CNBD2: variants seen among roughly 807,000 people sequenced by gnomAD.
CNBD2 encodes cyclic nucleotide binding domain containing 2.
Under a neutral mutation model 63.7 loss-of-function variants are expected in CNBD2, and 64 were observed. That is an observed-to-expected ratio of 1.00 (90% CI 0.82 to 1.24). The LOEUF (loss-of-function observed/expected upper bound fraction) is 1.24. Among genes scored for constraint, CNBD2 ranks in the 50% most tolerant of loss-of-function variants. The probability of loss-of-function intolerance (pLI) is 0.00; values close to 1 mark genes in which losing one functional copy is unlikely to be tolerated. For synonymous variants in CNBD2, 229 were observed against 255.4 expected (o/e 0.90, Z 0.99); for missense variants, 691 against 713.5 (o/e 0.97, Z 0.36).
chr20:36,024,096 G>A (rs1177757658), intron 11 of CNBD2, among the ~76,000 whole-genome samples: 2 of 152,220 alleles, frequency 1.3e-5, no homozygotes, highest in Non-Finnish European at 2.9e-5. Context: ...AGCACTTTGG[G>A]AAGCTGAGGC....
At chr20:35,983,452 G>T (rs2056623930) in intron 4 of CNBD2, among the ~76,000 whole-genome samples, 1 of 152,040 alleles carries the variant, frequency 6.6e-6, no homozygotes, top group Non-Finnish European at 1.5e-5. Flanking sequence ...GCCCAGTTGG[G>T]TAGTGGGCTG....
intron 8 of CNBD2, among the ~76,000 whole-genome samples, chr20:36,007,137 A>G (rs2056995867): frequency 6.6e-6 from 1 of 152,196 alleles, no homozygotes; most frequent in South Asian, 2.1e-4. Flanking sequence ...TGCAGTGAGC[A>G]GAGATCGCAC....
In CNBD2 at chr20:36,030,518, T is replaced by C. The variant is rs200247317; in HGVS notation, c.1601T>C (p.Leu534Ser). 217 of 1,614,028 alleles carry C rather than the reference T, an allele frequency of 1.3e-4. No individual in the cohort carries two copies. Among genetic ancestry groups the C allele is most frequent in the Non-Finnish European group, 1.7e-4 (203 of 1,180,042 alleles). The change falls in exon 12 of 12, where the codon TTG (leucine) becomes TCG (serine). Residue 534 changes from leucine to serine, a missense_variant. Transcript: ENST00000373973. ...IYNPKSVVLD[L>S]CSINKTTKPR... ...AACCCTAAGTCTGTGGTCCTGGATT[T>C]GTGCAGCATCAACAAGACGACTAAA...
At position 36,023,716 on chromosome 20, in the gene CNBD2, G is replaced by T; in HGVS notation, c.1384G>T (p.Asp462Tyr). 1.2e-6 allele frequency: 2 copies of T among 1,613,712 alleles called. No homozygotes were observed. Among genetic ancestry groups the T allele is most frequent in the South Asian group, 2.2e-5 (2 of 91,004 alleles). Reference sequence around the variant, plus strand: ...GAAGGAAATATTTTATGAACTGATTGACAATGATGACGAGATGATAAAAAA... The same window carrying T: ...GAAGGAAATATTTTATGAACTGATTTACAATGATGACGAGATGATAAAAAA... ...IRKEIFYELI[D>Y]NDDEMIKKLL... The change falls in exon 11 of 12, where the codon GAC becomes TAC. Residue 462 changes from aspartate (D) to tyrosine (Y), a missense_variant. Physicochemically the swap from Asp to Tyr is radical, Grantham distance 160. Coordinates refer to ENST00000373973, the MANE Select transcript of CNBD2 (RefSeq NM_001365709.1).
rs370279613 is a variant in CNBD2, at chr20:35,968,796, C to A, written c.34C>A (p.Leu12Ile). The A allele has an allele frequency of 1.2e-6, 2 of 1,608,028 alleles. No individual in the cohort carries two copies. The highest frequency in any genetic ancestry group is 2.7e-5 in the African/African-American group (2 of 74,896). ...RRHMVTYAWQ[L>I]LKKELGLYQL... ...ACATATGGTAACTTATGCCTGGCAG[C>A]TCCTGAAGAAGGAACTGGTGAGGAG... The change falls in exon 1 of 12, where the codon CTC (leucine) becomes ATC (isoleucine). Residue 12 changes from leucine to isoleucine, a missense_variant. Leu to Ile is a conservative substitution (Grantham distance 5, BLOSUM62 2). Coordinates refer to ENST00000373973, the MANE Select transcript of CNBD2 (RefSeq NM_001365709.1).
rs2056586801 is a variant in CNBD2 at position 35,980,692 on chromosome 20, G to A, written c.407+70G>A. 2.8e-5 allele frequency: 42 copies of A among 1,483,756 alleles called. 2 individuals are homozygous for A. In the South Asian group the frequency reaches 4.6e-4, roughly 16 times the overall value. 91.9% of individuals were successfully genotyped at this position (1,483,756 alleles called of 1,614,324 possible). On this transcript the variant is annotated intron_variant, in intron 4 of 11. Coordinates refer to ENST00000373973, the MANE Select transcript of CNBD2 (RefSeq NM_001365709.1). The stretch of plus-strand genomic sequence containing the variant: ...TGAGCAAAAGAGCCTGGCTGAGAAG[G>A]TGTGGCAGGTCCTGCCCACCCCTCT...
chr20:36,010,457 A>AG (rs1311078653), intron 9 of CNBD2, among the ~76,000 whole-genome samples: 7 of 151,818 alleles, frequency 4.6e-5, no homozygotes, highest in Non-Finnish European at 1.0e-4. Flanking sequence ...AAAAAAAAAA[A>AG]AAAAAGAAAA....
intron 10 of CNBD2, among the ~76,000 whole-genome samples, chr20:36,019,274 C>T (rs1343620939): frequency 6.6e-6 from 1 of 151,808 alleles, no homozygotes; most frequent in Non-Finnish European, 1.5e-5. Context: ...ACTTGTAATC[C>T]CAGCACTTTG....
At chr20:35,985,034 T>A (rs2147245282) in intron 6 of CNBD2, among the ~76,000 whole-genome samples, 1 of 152,230 alleles carries the variant, frequency 6.6e-6, no homozygotes, top group Non-Finnish European at 1.5e-5. Flanking sequence ...GGCTCACTCC[T>A]GTAATCCCAG....
At chr20:35,954,504 T>C, upstream of CNBD2, 2 of 1,537,012 alleles carry the variant, frequency 1.3e-6, no homozygotes, top group Non-Finnish European at 1.8e-6. Context: ...CTTCTCTGCG[T>C]CCAGGTCGGC....
At chr20:35,988,322 A>G (rs923768439) in intron 7 of CNBD2, among the ~76,000 whole-genome samples, 5 of 151,594 alleles carry the variant, frequency 3.3e-5, no homozygotes, top group African/African-American at 1.2e-4. Context: ...ATGTGCCACC[A>G]TGCCTGGCTA....
At chr20:35,980,223 C>T (rs1568865991) in intron 3 of CNBD2, among the ~76,000 whole-genome samples, 1 of 152,152 alleles carries the variant, frequency 6.6e-6, no homozygotes, top group Non-Finnish European at 1.5e-5. Context: ...ATCTCCTAAT[C>T]CTGCCTGAGT....
downstream of CNBD2, chr20:35,958,883 T>C (rs562534407): frequency 6.6e-6 from 1 of 152,370 alleles, no homozygotes; most frequent in East Asian, 1.9e-4. Flanking sequence ...TAGTGTATAA[T>C]CATTTGGGCT....
At chr20:36,005,322 A>C (rs915536424) in intron 8 of CNBD2, among the ~76,000 whole-genome samples, 1 of 152,162 alleles carries the variant, frequency 6.6e-6, no homozygotes, top group Non-Finnish European at 1.5e-5. Flanking sequence ...GATGCCTCTC[A>C]TGCACAGTTC....
intron 10 of CNBD2, among the ~76,000 whole-genome samples, chr20:36,015,608 G>A (rs551247317): frequency 2.1e-4 from 32 of 152,276 alleles, no homozygotes; most frequent in African/African-American, 7.5e-4. Context: ...GCTAGGGGAG[G>A]GGGCAGGAAC....
intron 3 of CNBD2, among the ~76,000 whole-genome samples, chr20:35,978,960 G>A (rs1370892453): frequency 7.2e-5 from 11 of 152,274 alleles, no homozygotes; most frequent in Admixed American, 5.9e-4. Context: ...GAAAATATGT[G>A]TTATTTCTAA....
chr20:36,009,196 G>GTC (rs1386571348), intron 9 of CNBD2, among the ~76,000 whole-genome samples: 2 of 150,510 alleles, frequency 1.3e-5, no homozygotes, highest in African/African-American at 4.9e-5. Context: ...GCAAGATCTT[G>GTC]TCTCTCTCTT....
At chr20:35,995,243 GC>G in intron 8 of CNBD2, 91 bp downstream of exon 8, 1 of 855,636 alleles carries the variant, frequency 1.2e-6, no homozygotes, top group Non-Finnish European at 1.9e-6. Flanking sequence ...AATCTAGTCA[GC>G]CAGCCTGACA....
chr20:35,954,591 G>C (rs2056230006), upstream of CNBD2: 1 of 1,415,572 alleles, frequency 7.1e-7, no homozygotes, highest in Admixed American at 2.3e-5. Context: ...TGAGGCGGCT[G>C]CTGCCCTCGC....
Sources: gnomAD v4.1 joint callset for allele counts (sites outside exome capture counted in the v4.1 genomes callset) on GRCh38, gnomAD v4.1.1 for gene constraint, MANE v1.5 for transcripts, NCBI Gene and HGNC (gene_info 2026-07-23, HGNC 2026-07-21) for gene names.